Variants in PJA2 observed in about 807,000 individuals in gnomAD.
PJA2 encodes the protein praja ring finger ubiquitin ligase 2, also known as E3 ubiquitin-protein ligase Praja-2.
In PJA2, 25 loss-of-function variants were observed where a neutral mutation model predicts 69.3. The observed-to-expected ratio is 0.36, with a 90% CI of 0.26 to 0.50. The LOEUF is 0.50. PJA2 is among the 20% of genes least tolerant of loss of function. The pLI is 0.96. For missense variants in PJA2, 809 were observed against 830.2 expected, an observed-to-expected ratio of 0.97 and a Z score of 0.31; for synonymous variants, 308 against 277.8, an observed-to-expected ratio of 1.11 and a Z score of -1.08.
chr5:109,359,300 T>C (rs1366459137), intron 6 of PJA2, among the ~76,000 whole-genome samples: 4 of 152,216 alleles, frequency 2.6e-5, no homozygotes, highest in African/African-American at 4.8e-5. Flanking sequence ...TGGTCAACAG[T>C]GGGCTATCAG....
chr5:109,373,837 A>C (rs1323138909), intron 4 of PJA2, among the ~76,000 whole-genome samples: 1 of 152,196 alleles, frequency 6.6e-6, no homozygotes, highest in Non-Finnish European at 1.5e-5. Flanking sequence ...TGATATACAG[A>C]ATGAAATTAT....
At chr5:109,359,385 T>G (rs1342389113) in intron 6 of PJA2, among the ~76,000 whole-genome samples, 1 of 152,178 alleles carries the variant, frequency 6.6e-6, no homozygotes, top group Non-Finnish European at 1.5e-5. Context: ...CTAACCCGTG[T>G]TGTTCAAGAG....
chr5:109,348,567 C>T (rs1448629767), intron 7 of PJA2, among the ~76,000 whole-genome samples: 1 of 152,184 alleles, frequency 6.6e-6, no homozygotes, highest in African/African-American at 2.4e-5. Flanking sequence ...GTGCCCTCCA[C>T]AGACTAGGCT....
intron 6 of PJA2, among the ~76,000 whole-genome samples, chr5:109,362,337 A>G (rs1397825768): frequency 1.3e-5 from 2 of 152,238 alleles, no homozygotes; most frequent in Non-Finnish European, 2.9e-5. Flanking sequence ...GAAGCTGACT[A>G]TTCTTTGTCA....
intron 1 of PJA2, among the ~76,000 whole-genome samples, chr5:109,406,284 C>T (rs1029586150): frequency 1.3e-5 from 2 of 152,176 alleles, no homozygotes; most frequent in Admixed American, 6.5e-5. Flanking sequence ...TCGTGATCCG[C>T]CTGCCTCGGA....
chr5:109,387,827 G>T (rs1747193144), intron 1 of PJA2, among the ~76,000 whole-genome samples: 2 of 98 alleles, frequency 0.02, no homozygotes, highest in African/African-American at 0.1. Flanking sequence ...TAAAGACAAA[G>T]GCCTGTTTAT....
chr5:109,383,378 A>C (rs1406880041), intron 2 of PJA2, 25 bp downstream of exon 2: 2 of 1,610,606 alleles, frequency 1.2e-6, no homozygotes, highest in Non-Finnish European at 8.5e-7. Context: ...GAAGTACTCA[A>C]TGTAGAAGAA....
At chr5:109,407,329 T>C (rs896337580) in intron 1 of PJA2, among the ~76,000 whole-genome samples, 4 of 152,110 alleles carry the variant, frequency 2.6e-5, no homozygotes, top group Non-Finnish European at 2.9e-5. Flanking sequence ...ATAAGAAAAC[T>C]CATTTATGGT....
At chr5:109,369,800 A>T (rs1328436032) in intron 4 of PJA2, among the ~76,000 whole-genome samples, 1 of 152,174 alleles carries the variant, frequency 6.6e-6, no homozygotes, top group East Asian at 1.9e-4. Context: ...TGGGAGGCTG[A>T]GGTGGGCAGA....
At chr5:109,346,089 G>C (rs1762169032) in intron 7 of PJA2, among the ~76,000 whole-genome samples, 1 of 152,152 alleles carries the variant, frequency 6.6e-6, no homozygotes, top group Admixed American at 6.5e-5. Flanking sequence ...TCTCTTCCAT[G>C]AGGCCTATGT....
rs930331943 is a variant in PJA2, at chr5:109,335,275, G to A, written c.*1956C>T. 6 of 152,516 alleles carry A rather than the reference G, an allele frequency of 3.9e-5. No individual in the cohort carries two copies. The highest frequency in any genetic ancestry group is 1.4e-4 in the African/African-American group (6 of 41,408). 9.4% of individuals were successfully genotyped at this position (152,516 alleles called of 1,614,324 possible). On this transcript the variant is annotated 3_prime_UTR_variant, in exon 10 of 10. Coordinates refer to ENST00000361189, the MANE Select transcript of PJA2 (RefSeq NM_014819.5). ...ACAGCAGCTGTTTATAGATAGTAGG[G>A]AGCCAAGAATGAAGGACAGTAACAG...
chr5:109,355,545 GA>G (rs1762399564), intron 7 of PJA2, among the ~76,000 whole-genome samples: 1 of 152,030 alleles, frequency 6.6e-6, no homozygotes, highest in Admixed American at 6.5e-5. Context: ...GAAGCCATGA[GA>G]AAAAAAGAGA....
intron 5 of PJA2, among the ~76,000 whole-genome samples, chr5:109,363,710 A>AT (rs1313250119): frequency 1.3e-5 from 2 of 152,128 alleles, no homozygotes; most frequent in East Asian, 3.9e-4. Context: ...TATAAAATTT[A>AT]TTTTTGTTTA....
At chr5:109,353,137 C>A (rs1261362913) in intron 7 of PJA2, among the ~76,000 whole-genome samples, 3 of 141,082 alleles carry the variant, frequency 2.1e-5, no homozygotes, top group Admixed American at 7.2e-5. Flanking sequence ...ATATTAGATA[C>A]CTATATCTAG....
intron 1 of PJA2, chr5:109,409,035 C>T (rs1203138121): frequency 6.6e-6 from 1 of 151,964 alleles, no homozygotes; most frequent in African/African-American, 2.4e-5. Flanking sequence ...AGAAGGAACT[C>T]TCAGATTACT....
chr5:109,343,476 C>G (rs895677821), intron 9 of PJA2, among the ~76,000 whole-genome samples: 2 of 151,582 alleles, frequency 1.3e-5, no homozygotes, highest in African/African-American at 4.9e-5. Context: ...AAACACCAAC[C>G]TGTATTAGCA....
At chr5:109,382,775 G>A (rs1056718883) in intron 2 of PJA2, among the ~76,000 whole-genome samples, 2 of 151,708 alleles carry the variant, frequency 1.3e-5, no homozygotes, top group African/African-American at 4.8e-5. Flanking sequence ...TTGAACCCAG[G>A]AGGCGGAGGT....
intron 1 of PJA2, among the ~76,000 whole-genome samples, chr5:109,408,242 T>A (rs10078813): frequency 0.16 from 24,498 of 152,146 alleles, 3,461 homozygotes; most frequent in African/African-American, 0.37. Flanking sequence ...CCATACTGTT[T>A]AATTTTTTAA....
At chr5:109,391,548 G>A (rs993717758) in intron 1 of PJA2, among the ~76,000 whole-genome samples, 23 of 151,568 alleles carry the variant, frequency 1.5e-4, no homozygotes, top group African/African-American at 4.8e-4. Context: ...GGCTTCCACA[G>A]TTTCCATTAA....
Sources: allele counts gnomAD v4.1 joint callset (sites outside exome capture counted in the v4.1 genomes callset), GRCh38; gene constraint gnomAD v4.1.1; transcripts MANE v1.5; gene names NCBI Gene and HGNC (gene_info 2026-07-23, HGNC 2026-07-21).